The following NKAIN2 variants were observed in gnomAD, a reference collection of about 807,000 sequenced individuals.
NKAIN2 encodes sodium/potassium transporting ATPase interacting 2, also known as sodium/potassium-transporting ATPase subunit beta-1-interacting protein 2.
In NKAIN2, 14 loss-of-function variants were observed where a neutral mutation model predicts 32.6. The ratio of observed to expected loss-of-function variants is 0.43; its 90% CI spans 0.28 to 0.67. NKAIN2 has a LOEUF of 0.67. NKAIN2 is among the 30% of genes least tolerant of loss of function. The pLI, the probability that NKAIN2 is intolerant of heterozygous loss-of-function variation, is 0.17. For synonymous variants in NKAIN2, 80 were observed against 87.2 expected (o/e 0.92, Z 0.46); for missense variants, 198 against 258.3 (o/e 0.77, Z 1.60).
chr6:124,086,669 C>A (rs1784202227), intron 1 of NKAIN2, among the ~76,000 whole-genome samples: 1 of 151,840 alleles, frequency 6.6e-6, no homozygotes, highest in South Asian at 2.1e-4. Flanking sequence ...GTGAACAATT[C>A]TCTACTCAGA....
chr6:124,791,546 G>A (rs1779747119), intron 5 of NKAIN2, 147 bp downstream of exon 5: 2 of 487,998 alleles, frequency 4.1e-6, no homozygotes, highest in South Asian at 1.0e-4. Context: ...AGACTAAAGT[G>A]TTTCTCATAA....
chr6:124,752,198 G>A (rs1777753105), intron 4 of NKAIN2, among the ~76,000 whole-genome samples: 2 of 152,000 alleles, frequency 1.3e-5, no homozygotes, highest in African/African-American at 2.4e-5. Flanking sequence ...TCAGAAGGGG[G>A]TGACTTAGAA....
In NKAIN2 at chr6:123,828,714, ACTT is replaced by A. The variant is rs1379877030; in HGVS notation, c.54+24466_54+24468del. On this transcript the variant is annotated intron_variant, in intron 1 of 6. Transcript: ENST00000368417. ...TCTTCCACTTCCTAAAATATCTCAA[ACTT>A]CTTCTCATCTCAGAGGTTCATGCTG... 4 of 151,952 alleles carry A rather than the reference ACTT, an allele frequency of 2.6e-5. No homozygotes were observed. In the East Asian group the frequency reaches 7.8e-4, roughly 30 times the overall value. The allele number at this position is 151,952 out of a possible 1,614,324, so 9.4% of individuals were successfully genotyped here. A position where few individuals can be genotyped will look rare whatever the true frequency, so the allele number is the denominator to read the frequency against.
At chr6:124,690,280 T>G (rs1320169247) in intron 4 of NKAIN2, among the ~76,000 whole-genome samples, 1 of 152,168 alleles carries the variant, frequency 6.6e-6, no homozygotes, top group Non-Finnish European at 1.5e-5. Context: ...AACAATTGAC[T>G]TCTGTTTATT....
At chr6:124,082,556 A>C (rs1285189363) in intron 1 of NKAIN2, among the ~76,000 whole-genome samples, 1 of 152,008 alleles carries the variant, frequency 6.6e-6, no homozygotes, top group Non-Finnish European at 1.5e-5. Flanking sequence ...ATGTAGACTT[A>C]AAATTTTTAA....
chr6:124,657,417 T>C (rs1012203969), intron 3 of NKAIN2, among the ~76,000 whole-genome samples: 1 of 152,198 alleles, frequency 6.6e-6, no homozygotes, highest in Non-Finnish European at 1.5e-5. Flanking sequence ...CAAGTTGGCA[T>C]AGGTGATTGC....
At chr6:123,913,382 T>C (rs1176890799) in intron 1 of NKAIN2, among the ~76,000 whole-genome samples, 1 of 152,176 alleles carries the variant, frequency 6.6e-6, no homozygotes, top group Non-Finnish European at 1.5e-5. Context: ...CCTAGAGAGC[T>C]CTAATAAGAA....
chr6:124,581,169 G>A (rs899120508), intron 3 of NKAIN2, among the ~76,000 whole-genome samples: 2 of 152,130 alleles, frequency 1.3e-5, no homozygotes, highest in Non-Finnish European at 2.9e-5. Context: ...GCCGGGCGCG[G>A]TGGCTCACGC....
At chr6:124,518,740 A>G (rs1277265532) in intron 3 of NKAIN2, among the ~76,000 whole-genome samples, 2 of 152,182 alleles carry the variant, frequency 1.3e-5, no homozygotes, top group Non-Finnish European at 2.9e-5. Flanking sequence ...AACACAAATG[A>G]GATTAAGATT....
intron 3 of NKAIN2, among the ~76,000 whole-genome samples, chr6:124,432,171 A>G (rs1394302478): frequency 6.6e-6 from 1 of 152,196 alleles, no homozygotes; most frequent in African/African-American, 2.4e-5. Context: ...TCAACCATGC[A>G]ATGGTCAGGT....
At position 124,181,689 on chromosome 6, in the gene NKAIN2, G is replaced by A. The variant is rs1181848362; in HGVS notation, c.55-101316G>A. Among the ~76,000 whole-genome samples the A allele has an allele frequency of 7.9e-5, 12 of 152,062 alleles. 1 individual carries two copies. Among genetic ancestry groups the A allele is most frequent in the East Asian group, 1.9e-4 (1 of 5,174 alleles). ...TCTAGGACATGGGCAAAATGTTGCCGGTCTTTTTGCTAAACCATAGAAAGT... is the reference window on the plus strand; with the variant it reads ...TCTAGGACATGGGCAAAATGTTGCCAGTCTTTTTGCTAAACCATAGAAAGT... On this transcript the variant is annotated intron_variant, in intron 1 of 6. Coordinates refer to ENST00000368417, the MANE Select transcript of NKAIN2 (RefSeq NM_001040214.3).
intron 3 of NKAIN2, among the ~76,000 whole-genome samples, chr6:124,606,468 T>TA (rs1040478077): frequency 1.3e-5 from 2 of 152,054 alleles, no homozygotes; most frequent in African/African-American, 4.8e-5. Context: ...ATTTTTAAAA[T>TA]ACAATTGGTA....
At chr6:123,889,549 A>G (rs1401589310) in intron 1 of NKAIN2, among the ~76,000 whole-genome samples, 1 of 152,190 alleles carries the variant, frequency 6.6e-6, no homozygotes, top group East Asian at 1.9e-4. Context: ...AGAGGAAAAC[A>G]AGCATTTTGG....
intron 4 of NKAIN2, among the ~76,000 whole-genome samples, chr6:124,681,157 C>T (rs553110768): frequency 6.6e-6 from 1 of 152,020 alleles, no homozygotes; most frequent in African/African-American, 2.4e-5. Context: ...GATCTATATT[C>T]TTCCCATATC....
chr6:124,631,471 C>CTGTCTTATAATCACCAGATCATTTTGA lies in NKAIN2; in HGVS notation c.274-26714_274-26688dup, dbSNP rs1783564878. Among the ~76,000 whole-genome samples the CTGTCTTATAATCACCAGATCATTTTGA allele has an allele frequency of 2.6e-5, 4 of 152,206 alleles. No individual in the cohort carries two copies. The South Asian group carries it at 8.3e-4, about 32-fold the overall frequency. ...TTATATAATATGTGATTGTTAGTCTCTGTCTTATAATCACCAGATCATTTT... is the reference window on the plus strand; with the variant it reads ...TTATATAATATGTGATTGTTAGTCTCTGTCTTATAATCACCAGATCATTTTGATGTCTTATAATCACCAGATCATTTT... On this transcript the variant is annotated intron_variant, in intron 3 of 6. Transcript: ENST00000368417.
chr6:124,399,138 G>T (rs948585412), intron 3 of NKAIN2, among the ~76,000 whole-genome samples: 2 of 152,146 alleles, frequency 1.3e-5, no homozygotes, highest in African/African-American at 4.8e-5. Flanking sequence ...TGTTGGCCAG[G>T]CTGGTCTTGA....
intron 3 of NKAIN2, among the ~76,000 whole-genome samples, chr6:124,401,826 A>C (rs1246589414): frequency 6.6e-6 from 1 of 152,090 alleles, no homozygotes; most frequent in Non-Finnish European, 1.5e-5. Flanking sequence ...TGGGTATACA[A>C]CTATTATTTA....
intron 3 of NKAIN2, among the ~76,000 whole-genome samples, chr6:124,419,931 C>G (rs1202602044): frequency 6.6e-6 from 1 of 151,536 alleles, no homozygotes; most frequent in Non-Finnish European, 1.5e-5. Flanking sequence ...GTCTTGTCAG[C>G]AAGATTTCTT....
chr6:124,026,414 C>T (rs914816507), intron 1 of NKAIN2, among the ~76,000 whole-genome samples: 5 of 152,136 alleles, frequency 3.3e-5, no homozygotes, highest in Non-Finnish European at 7.3e-5. Context: ...CCTAGTAACT[C>T]TTTATGAATA....
Sources: allele counts gnomAD v4.1 joint callset (sites outside exome capture counted in the v4.1 genomes callset), GRCh38; gene constraint gnomAD v4.1.1; transcripts MANE v1.5; gene names NCBI Gene and HGNC (gene_info 2026-07-23, HGNC 2026-07-21).